Variants in SCAF4 observed in about 807,000 individuals in gnomAD.
SCAF4 encodes the protein SR-related CTD associated factor 4.
Under a neutral mutation model 129.8 loss-of-function variants are expected in SCAF4, and 25 were observed. The ratio of observed to expected loss-of-function variants is 0.19; its 90% CI spans 0.14 to 0.27. The LOEUF (loss-of-function observed/expected upper bound fraction) is 0.27, where lower values mean the gene tolerates loss of function less well. SCAF4 is among the 10% of genes least tolerant of loss of function. The pLI, the probability that SCAF4 is intolerant of heterozygous loss-of-function variation, is 1.00. For synonymous variants in SCAF4, 551 were observed against 497.7 expected (o/e 1.11, Z -1.43); for missense variants, 1,246 against 1,457.1 (o/e 0.86, Z 2.36).
At chr21:31,676,061 G>A (rs2049847238) in intron 19 of SCAF4, among the ~76,000 whole-genome samples, 1 of 152,132 alleles carries the variant, frequency 6.6e-6, no homozygotes, top group African/African-American at 2.4e-5. Flanking sequence ...AAATGTAAAA[G>A]GTCTGATTTA....
intron 13 of SCAF4, 158 bp from the exon 14 acceptor site, chr21:31,692,088 A>G (rs963925482): frequency 1.0e-5 from 6 of 591,292 alleles, no homozygotes; most frequent in East Asian, 5.5e-5. Flanking sequence ...TTTGGTCTCA[A>G]CTGAGTCCTC....
intron 7 of SCAF4, among the ~76,000 whole-genome samples, chr21:31,698,862 T>C (rs1468947619): frequency 6.6e-6 from 1 of 152,222 alleles, no homozygotes; most frequent in African/African-American, 2.4e-5. Context: ...AATTTGCTAG[T>C]CCCTACAACT....
At chr21:31,694,686 G>C in intron 10 of SCAF4, 127 bp downstream of exon 10, 2 of 871,060 alleles carry the variant, frequency 2.3e-6, no homozygotes, top group Non-Finnish European at 3.6e-6. Flanking sequence ...GGAGCACTGA[G>C]AGGGTTTAAT....
chr21:31,712,321 G>A (rs935593609), intron 1 of SCAF4, among the ~76,000 whole-genome samples: 3 of 150,398 alleles, frequency 2.0e-5, no homozygotes, highest in Non-Finnish European at 4.4e-5. Context: ...GGTTTCAAGC[G>A]ATTCTCATGC....
intron 1 of SCAF4, among the ~76,000 whole-genome samples, chr21:31,723,629 T>TGTGTGTGTGTGTGTGTGTGCGCGCGCGC (rs1271033175): frequency 1.3e-5 from 2 of 149,000 alleles, no homozygotes; most frequent in Admixed American, 6.7e-5. Flanking sequence ...TGTGTGTGTG[T>TGTGTGTGTGTGTGTGTGTGCGCGCGCGC]GCGCGCGCGC....
Position 31,685,382 on chromosome 21 carries a change from A to G in SCAF4, c.2296+16T>C, listed in dbSNP as rs533119582. 2.6e-5 allele frequency: 42 copies of G among 1,598,092 alleles called. No individual in the cohort carries two copies. Among genetic ancestry groups the G allele is most frequent in the Non-Finnish European group, 3.4e-5 (40 of 1,171,060 alleles). On this transcript the variant is annotated intron_variant, in intron 18 of 19. Transcript: ENST00000286835. ...TCCAAGAGGATAAGCAAACACAAAGAAAAAAACATGCTTACAGTTTGGGAT... is the reference window on the plus strand; with the variant it reads ...TCCAAGAGGATAAGCAAACACAAAGGAAAAAACATGCTTACAGTTTGGGAT...
At chr21:31,727,155 T>G (rs35974421) in intron 1 of SCAF4, among the ~76,000 whole-genome samples, 4,257 of 152,250 alleles carry the variant, frequency 0.028, 74 homozygotes, top group Non-Finnish European at 0.041. Flanking sequence ...CTCGGTTCAC[T>G]GCAACCTCTG....
At chr21:31,708,244 C>T (rs899976547) in intron 1 of SCAF4, among the ~76,000 whole-genome samples, 1 of 151,904 alleles carries the variant, frequency 6.6e-6, no homozygotes, top group South Asian at 2.1e-4. Flanking sequence ...AAAATGGTGG[C>T]GGGCACCTGT....
intron 16 of SCAF4, among the ~76,000 whole-genome samples, chr21:31,687,808 G>A (rs2050161355): frequency 6.6e-6 from 1 of 151,986 alleles, no homozygotes; most frequent in Non-Finnish European, 1.5e-5. Flanking sequence ...ATTTATTTTG[G>A]TTGTATAAAC....
At chr21:31,719,707 T>G (rs2051025528) in intron 1 of SCAF4, among the ~76,000 whole-genome samples, 1 of 152,134 alleles carries the variant, frequency 6.6e-6, no homozygotes, top group Non-Finnish European at 1.5e-5. Context: ...TTTCTCCATG[T>G]TGGTCAGGCT....
At chr21:31,678,322 T>C (rs1413742877) in intron 19 of SCAF4, among the ~76,000 whole-genome samples, 1 of 152,178 alleles carries the variant, frequency 6.6e-6, no homozygotes, top group African/African-American at 2.4e-5. Context: ...TTTTTCGCAT[T>C]CCGTATTTAA....
chr21:31,680,141 C>G (rs2049963164), intron 19 of SCAF4, among the ~76,000 whole-genome samples: 1 of 152,202 alleles, frequency 6.6e-6, no homozygotes, highest in Non-Finnish European at 1.5e-5. Context: ...GAGAGATTTA[C>G]ATTTAAGCCA....
chr21:31,671,304 G>A lies in SCAF4; in HGVS notation c.*95C>T, dbSNP rs963419667. The A allele has an allele frequency of 2.9e-6, 4 of 1,397,474 alleles. No homozygotes were observed. Among genetic ancestry groups the A allele is most frequent in the African/African-American group, 1.4e-5 (1 of 69,794 alleles). 86.6% of individuals were successfully genotyped at this position (1,397,474 alleles called of 1,614,324 possible). On this transcript the variant is annotated 3_prime_UTR_variant, in exon 20 of 20. Coordinates refer to ENST00000286835, the MANE Select transcript of SCAF4 (RefSeq NM_020706.2). ...GTTCCCCACCAGCTGGCGCGGGGCT[G>A]CAGTACAGCGGGAGCGGATATAATA...
At position 31,671,568 on chromosome 21, in the gene SCAF4, G is replaced by C; in HGVS notation, c.3275C>G (p.Thr1092Ser). The C allele has an allele frequency of 6.2e-7, 1 of 1,614,118 alleles. No homozygotes were observed. The highest frequency in any genetic ancestry group is 8.5e-7 in the Non-Finnish European group (1 of 1,179,996). ...EVTDRAGGNK[T>S]VEPPISQVGN... ...CACTTGGCTAATGGGAGGTTCAACG[G>C]TTTTGTTACCACCTGCCCTGTCTGT... Residue 1092 changes from threonine to serine, a missense_variant, in exon 20 of 20, where the codon ACC becomes AGC. Coordinates refer to ENST00000286835, the MANE Select transcript of SCAF4 (RefSeq NM_020706.2).
At chr21:31,687,944 C>G (rs35517949) in intron 16 of SCAF4, among the ~76,000 whole-genome samples, 1 of 151,470 alleles carries the variant, frequency 6.6e-6, no homozygotes, top group Non-Finnish European at 1.5e-5. Flanking sequence ...CCCGTCTCTA[C>G]TAAAAATACA....
chr21:31,698,083 A>C (rs1365841545), intron 7 of SCAF4, among the ~76,000 whole-genome samples: 1 of 152,236 alleles, frequency 6.6e-6, no homozygotes, highest in Non-Finnish European at 1.5e-5. Flanking sequence ...ATAAAAAACA[A>C]AACCTATGAT....
At chr21:31,726,926 A>T (rs774219796) in intron 1 of SCAF4, among the ~76,000 whole-genome samples, 13 of 152,174 alleles carry the variant, frequency 8.5e-5, no homozygotes, top group South Asian at 8.3e-4. Context: ...ATTAATACTA[A>T]ATTATTTGAT....
chr21:31,717,842 T>TATATATACAC (rs547466352), intron 1 of SCAF4, among the ~76,000 whole-genome samples: 6 of 114,384 alleles, frequency 5.2e-5, no homozygotes, highest in Non-Finnish European at 1.0e-4. Flanking sequence ...TATATATATA[T>TATATATACAC]ACACACACAC....
chr21:31,689,139 T>C (rs1276518233), intron 15 of SCAF4, among the ~76,000 whole-genome samples: 1 of 152,130 alleles, frequency 6.6e-6, no homozygotes, highest in Non-Finnish European at 1.5e-5. Context: ...GTCCAGCACA[T>C]AGTAGGCCCT....
Sources: gnomAD v4.1 joint callset for allele counts (sites outside exome capture counted in the v4.1 genomes callset) on GRCh38, gnomAD v4.1.1 for gene constraint, MANE v1.5 for transcripts, NCBI Gene and HGNC (gene_info 2026-07-23, HGNC 2026-07-21) for gene names.